The following NECAB2 variants were observed in gnomAD, a reference collection of about 807,000 sequenced individuals.
The protein encoded by NECAB2 is N-terminal EF-hand calcium-binding protein 2.
A neutral mutation model predicts 51.9 loss-of-function variants in NECAB2; 68 were observed. The ratio of observed to expected loss-of-function variants is 1.31; its 90% CI spans 1.08 to 1.60. The LOEUF is 1.60. NECAB2 is among the 40% of genes most tolerant of loss of function. NECAB2 has a pLI of 0.00. For missense variants in NECAB2, 854 were observed against 490.3 expected (o/e 1.74, Z -7.00); for synonymous variants, 329 against 203.5 (o/e 1.62, Z -5.25).
chr16:83,974,952 G>T (rs1403691847), intron 2 of NECAB2, among the ~76,000 whole-genome samples: 1 of 136,530 alleles, frequency 7.3e-6, no homozygotes, highest in Non-Finnish European at 1.5e-5. Flanking sequence ...GGAGGTGTGG[G>T]TGCAGGGATG....
At position 84,002,298 on chromosome 16, in the gene NECAB2, A is replaced by C. The variant is rs1036524357; in HGVS notation, c.1133-20A>C. The C allele has an allele frequency of 7.4e-6, 12 of 1,613,368 alleles. No homozygotes were observed. Among genetic ancestry groups the C allele is most frequent in the Non-Finnish European group, 9.3e-6 (11 of 1,179,632 alleles). ...CCCACATTCGCACTCCTTCCCTCTA[A>C]CGTGTCTCTCTCCTTTTAGCTGCTT... On this transcript the variant is annotated intron_variant, in intron 12 of 12. Coordinates refer to ENST00000305202, the MANE Select transcript of NECAB2 (RefSeq NM_019065.3).
At chr16:83,990,368 G>T in intron 5 of NECAB2, 126 bp from the exon 6 acceptor site, 1 of 1,247,790 alleles carries the variant, frequency 8.0e-7, no homozygotes, top group Non-Finnish European at 1.1e-6. Context: ...GAGGCCGTGG[G>T]GTCCTCCCTT....
chr16:84,001,696 C>CTGAG, intron 11 of NECAB2, 129 bp from the exon 12 acceptor site: 1 of 939,348 alleles, frequency 1.1e-6, no homozygotes, highest in Non-Finnish European at 1.6e-6. Context: ...CACAAAGGCT[C>CTGAG]TGAGTCCAAA....
chr16:83,965,390 G>C, upstream of NECAB2: 2 of 1,575,008 alleles, frequency 1.3e-6, no homozygotes, highest in Non-Finnish European at 1.7e-6. Context: ...GTCTGCCCTG[G>C]AGGCCGCCAC....
chr16:83,990,374 C>T, intron 5 of NECAB2, 120 bp from the exon 6 acceptor site: 1 of 1,345,122 alleles, frequency 7.4e-7, no homozygotes, highest in Non-Finnish European at 1.0e-6. Flanking sequence ...GTGGGGTCCT[C>T]CCTTCCCTTT....
intron 5 of NECAB2, among the ~76,000 whole-genome samples, chr16:83,982,601 G>C (rs1160686280): frequency 1.3e-5 from 2 of 152,166 alleles, no homozygotes; most frequent in African/African-American, 2.4e-5. Context: ...TCTCACCTTA[G>C]AAGGGGCCCA....
intron 6 of NECAB2, among the ~76,000 whole-genome samples, chr16:83,992,146 G>A (rs113815200): frequency 9.6e-4 from 146 of 152,282 alleles, no homozygotes; most frequent in Non-Finnish European, 1.7e-3. Context: ...AGGTGTTGAA[G>A]ACAGTAGTAG....
chr16:84,002,109 C>G (rs113739465), intron 12 of NECAB2, among the ~76,000 whole-genome samples, 193 bp downstream of exon 12: 1 of 152,200 alleles, frequency 6.6e-6, no homozygotes, highest in Non-Finnish European at 1.5e-5. Flanking sequence ...GAGCTTGCAC[C>G]AGAGCACCCC....
intron 2 of NECAB2, among the ~76,000 whole-genome samples, chr16:83,976,648 T>C (rs1421152708): frequency 1.3e-5 from 2 of 152,194 alleles, no homozygotes; most frequent in African/African-American, 2.4e-5. Flanking sequence ...TTTTGGCCTT[T>C]CCTTTGAAAG....
At chr16:83,972,209 C>T (rs373584886) in intron 2 of NECAB2, 34 bp downstream of exon 2, 4 of 1,613,288 alleles carry the variant, frequency 2.5e-6, no homozygotes, top group East Asian at 4.5e-5. Context: ...GGCCGCCCCA[C>T]TCCTTCTGTC....
intron 5 of NECAB2, among the ~76,000 whole-genome samples, chr16:83,986,444 C>T (rs1567670877): frequency 6.6e-6 from 1 of 152,228 alleles, no homozygotes; most frequent in Non-Finnish European, 1.5e-5. Flanking sequence ...TGAATAAATG[C>T]ATGAATGGTC....
chr16:83,990,442 C>T (rs902554338), intron 5 of NECAB2, 52 bp from the exon 6 acceptor site: 1 of 1,601,254 alleles, frequency 6.2e-7, no homozygotes, highest in African/African-American at 1.3e-5. Context: ...ACCCCACCTC[C>T]AATTTCCCTC....
chr16:83,980,339 C>A (rs1032358771), intron 3 of NECAB2, among the ~76,000 whole-genome samples: 1 of 152,140 alleles, frequency 6.6e-6, no homozygotes, highest in Non-Finnish European at 1.5e-5. Context: ...CCTGCTCCCC[C>A]AAGAAAGGAC....
At chr16:84,001,031 AG>A (rs1217527966) in intron 11 of NECAB2, among the ~76,000 whole-genome samples, 1 of 152,026 alleles carries the variant, frequency 6.6e-6, no homozygotes, top group African/African-American at 2.4e-5. Flanking sequence ...TGCTTTCCCC[AG>A]GGTTGCTTCT....
At chr16:83,990,416 C>A in intron 5 of NECAB2, 78 bp from the exon 6 acceptor site, 2 of 1,552,280 alleles carry the variant, frequency 1.3e-6, no homozygotes, top group African/African-American at 1.4e-5. Flanking sequence ...CAGCTTTCCC[C>A]CAACTCCTGT....
intron 11 of NECAB2, 82 bp downstream of exon 11, chr16:84,000,883 A>C: frequency 7.1e-7 from 1 of 1,413,480 alleles, no homozygotes; most frequent in South Asian, 1.2e-5. Flanking sequence ...GCATCCTTGG[A>C]GGGGAGGGTA....
At chr16:83,982,049 C>G (rs1020878964) in intron 5 of NECAB2, among the ~76,000 whole-genome samples, 1 of 152,166 alleles carries the variant, frequency 6.6e-6, no homozygotes, top group Middle Eastern at 3.2e-3. Flanking sequence ...TTATGAATTA[C>G]GAAGTCCTTC....
intron 2 of NECAB2, among the ~76,000 whole-genome samples, chr16:83,974,638 C>G (rs951962457): frequency 1.3e-5 from 2 of 152,200 alleles, no homozygotes; most frequent in Non-Finnish European, 2.9e-5. Flanking sequence ...ATGACGAAAA[C>G]AAGGCTCGGA....
At chr16:83,966,307 C>G (rs1441094316), upstream of NECAB2, 4 of 450,686 alleles carry the variant, frequency 8.9e-6, no homozygotes, top group Middle Eastern at 5.6e-4. Context: ...AGAAGCAGGT[C>G]CCAAATAAAG....
Sources: gnomAD v4.1 joint callset for allele counts (sites outside exome capture counted in the v4.1 genomes callset) on GRCh38, gnomAD v4.1.1 for gene constraint, MANE v1.5 for transcripts, NCBI Gene and HGNC (gene_info 2026-07-23, HGNC 2026-07-21) for gene names.